CACNG2: variants seen among roughly 807,000 people sequenced by gnomAD.
CACNG2 encodes calcium voltage-gated channel auxiliary subunit gamma 2.
A neutral mutation model predicts 25.9 loss-of-function variants in CACNG2; 3 were observed. The ratio of observed to expected loss-of-function variants is 0.12; its 90% CI spans 0.05 to 0.30. The LOEUF (loss-of-function observed/expected upper bound fraction) is 0.30, where lower values mean the gene tolerates loss of function less well. Ranked by LOEUF, CACNG2 falls within the 10% of genes least tolerant of loss-of-function variation. The pLI, the probability that CACNG2 is intolerant of heterozygous loss-of-function variation, is 1.00. For synonymous variants in CACNG2, 167 were observed against 173.3 expected (o/e 0.96, Z 0.29); for missense variants, 341 against 432.5 (o/e 0.79, Z 1.88).
At chr22:36,586,419 G>T (rs892316878) in intron 2 of CACNG2, among the ~76,000 whole-genome samples, 1 of 152,188 alleles carries the variant, frequency 6.6e-6, no homozygotes, top group East Asian at 1.9e-4. Flanking sequence ...TTAAAAAAAA[G>T]AATCTAAAAA....
At chr22:36,580,483 C>G (rs917660283) in intron 2 of CACNG2, among the ~76,000 whole-genome samples, 1 of 152,158 alleles carries the variant, frequency 6.6e-6, no homozygotes, top group Non-Finnish European at 1.5e-5. Flanking sequence ...GGGCCTGCCT[C>G]CCTTCCCCCT....
At chr22:36,631,482 A>C (rs955130400) in intron 1 of CACNG2, among the ~76,000 whole-genome samples, 1 of 152,166 alleles carries the variant, frequency 6.6e-6, no homozygotes, top group Non-Finnish European at 1.5e-5. Flanking sequence ...CTGTCCAGGC[A>C]GGTAACCTAT....
intron 1 of CACNG2, among the ~76,000 whole-genome samples, chr22:36,617,941 A>G (rs1936047188): frequency 6.6e-6 from 1 of 152,168 alleles, no homozygotes; most frequent in Non-Finnish European, 1.5e-5. Flanking sequence ...TGCCAAGAGT[A>G]TAAGCATTGG....
At position 36,676,969 on chromosome 22, in the gene CACNG2, T is replaced by TGTGTGTG. The variant is rs58195961; in HGVS notation, c.211+25396_211+25397insCACACAC. Among the ~76,000 whole-genome samples the TGTGTGTG allele has an allele frequency of 6.0e-5, 9 of 151,072 alleles. No homozygotes were observed. The South Asian group carries it at 6.3e-4, about 11-fold the overall frequency. On this transcript the variant is annotated intron_variant, in intron 1 of 3. Coordinates refer to ENST00000300105, the MANE Select transcript of CACNG2 (RefSeq NM_006078.5). ...GTGTGTGTGTGTGTGTGTGTGTGTG[T>TGTGTGTG]TTTAAAAATCTTTTGTCAGCAGCAA...
intron 2 of CACNG2, among the ~76,000 whole-genome samples, chr22:36,567,921 C>T (rs967631566): frequency 6.6e-6 from 1 of 152,088 alleles, no homozygotes; most frequent in Non-Finnish European, 1.5e-5. Flanking sequence ...GCAATCTCGG[C>T]TCACTGCAAC....
In CACNG2 at chr22:36,564,288, G is replaced by GC; in HGVS notation, c.*62dup. On this transcript the variant is annotated 3_prime_UTR_variant, in exon 4 of 4. Transcript: ENST00000300105. The surrounding 1 kb of genome is among the most constrained non-coding windows in gnomAD (Gnocchi z 6.7). Reference sequence around the variant, plus strand: ...CCCAGCGGAGGGTCTGGGTCTCCCCGCCCCGCCCCGCCCCCGGGGACCGCG... The same window carrying GC: ...CCCAGCGGAGGGTCTGGGTCTCCCCGCCCCCGCCCCGCCCCCGGGGACCGCG... 8.1e-7 allele frequency: 1 copy of GC among 1,241,466 alleles called. No individual in the cohort carries two copies. The highest frequency in any genetic ancestry group is 1.1e-6 in the Non-Finnish European group (1 of 888,052). The allele number at this position is 1,241,466 out of a possible 1,614,324, so 76.9% of individuals were successfully genotyped here.
At chr22:36,623,558 A>T (rs1317438868) in intron 1 of CACNG2, among the ~76,000 whole-genome samples, 1 of 152,132 alleles carries the variant, frequency 6.6e-6, no homozygotes, top group Non-Finnish European at 1.5e-5. Context: ...GTGAGCACCA[A>T]GTGAGTTAGT....
intron 1 of CACNG2, among the ~76,000 whole-genome samples, chr22:36,651,118 A>G (rs1281605031): frequency 2.0e-5 from 3 of 151,978 alleles, no homozygotes; most frequent in Non-Finnish European, 2.9e-5. Context: ...AATTCTAGGC[A>G]TGCAAACACT....
chr22:36,654,931 A>G (rs1936681167), intron 1 of CACNG2, among the ~76,000 whole-genome samples: 1 of 152,006 alleles, frequency 6.6e-6, no homozygotes, highest in African/African-American at 2.4e-5. Context: ...GAGTCAGGAA[A>G]AGTGTGGATA....
At chr22:36,613,277 T>C (rs1050131902) in intron 1 of CACNG2, among the ~76,000 whole-genome samples, 4 of 152,210 alleles carry the variant, frequency 2.6e-5, no homozygotes, top group African/African-American at 9.6e-5. Flanking sequence ...ATTTCACACC[T>C]GTACTTTCAT....
At chr22:36,602,668 G>A (rs980041742) in intron 1 of CACNG2, among the ~76,000 whole-genome samples, 1 of 152,220 alleles carries the variant, frequency 6.6e-6, no homozygotes, top group Non-Finnish European at 1.5e-5. Flanking sequence ...TTACAGGCGT[G>A]AGCCACTGCG....
At chr22:36,654,745 T>A (rs527454600) in intron 1 of CACNG2, among the ~76,000 whole-genome samples, 4 of 152,194 alleles carry the variant, frequency 2.6e-5, no homozygotes. Context: ...GTCAGAGATA[T>A]CTTCATCTAC....
At chr22:36,674,688 A>G (rs1165489127) in intron 1 of CACNG2, among the ~76,000 whole-genome samples, 2 of 152,206 alleles carry the variant, frequency 1.3e-5, no homozygotes, top group African/African-American at 2.4e-5. Flanking sequence ...ACTGAGGCCT[A>G]ATGCAGAGCA....
intron 1 of CACNG2, among the ~76,000 whole-genome samples, chr22:36,682,555 A>G (rs571381551): frequency 1.5e-5 from 2 of 137,734 alleles, no homozygotes; most frequent in East Asian, 2.2e-4. Context: ...TGGCTACTCA[A>G]TGGTGACTTG....
chr22:36,635,149 T>C (rs1936334466), intron 1 of CACNG2, among the ~76,000 whole-genome samples: 2 of 152,042 alleles, frequency 1.3e-5, no homozygotes, highest in South Asian at 4.2e-4. Flanking sequence ...CCAGGTGTGG[T>C]GGCAAGTGCC....
At chr22:36,576,539 A>T (rs550526675) in intron 2 of CACNG2, among the ~76,000 whole-genome samples, 1,326 of 63,046 alleles carry the variant, frequency 0.021, 23 homozygotes, top group African/African-American at 0.07. Context: ...TAAAAAATTA[A>T]AAAAAAAAAC....
At chr22:36,686,988 T>A (rs1937208941) in intron 1 of CACNG2, among the ~76,000 whole-genome samples, 1 of 152,218 alleles carries the variant, frequency 6.6e-6, no homozygotes, top group Non-Finnish European at 1.5e-5. Flanking sequence ...TTCTGCCCAA[T>A]GAAACTAAGG....
chr22:36,586,594 C>T (rs1338071930), intron 2 of CACNG2, among the ~76,000 whole-genome samples: 2 of 152,170 alleles, frequency 1.3e-5, no homozygotes, highest in African/African-American at 4.8e-5. Flanking sequence ...ATGCCTCCTA[C>T]ATGCTTCATA....
intron 1 of CACNG2, among the ~76,000 whole-genome samples, chr22:36,622,162 G>A (rs1936115133): frequency 6.6e-6 from 1 of 152,226 alleles, no homozygotes; most frequent in Non-Finnish European, 1.5e-5. Context: ...TGGAGGGGCA[G>A]GATTCAGACC....
Sources: gnomAD v4.1 joint callset for allele counts (sites outside exome capture counted in the v4.1 genomes callset) on GRCh38, gnomAD v4.1.1 for gene constraint, Gnocchi (gnomAD v3.1) non-coding constraint, MANE v1.5 for transcripts, NCBI Gene and HGNC (gene_info 2026-07-23, HGNC 2026-07-21) for gene names.